ZCCHC10: variants seen among roughly 807,000 people sequenced by gnomAD.
The protein encoded by ZCCHC10 is zinc finger CCHC domain-containing protein 10.
Under a neutral mutation model 19.5 loss-of-function variants are expected in ZCCHC10, and 16 were observed. That is an observed-to-expected ratio of 0.82 (90% CI 0.56 to 1.25). ZCCHC10 has a LOEUF of 1.25. ZCCHC10 is among the 50% of genes most tolerant of loss of function. The probability of loss-of-function intolerance (pLI) is 0.00; values close to 1 mark genes in which losing one functional copy is unlikely to be tolerated. For synonymous variants in ZCCHC10, 67 were observed against 72.5 expected (o/e 0.92, Z 0.38); for missense variants, 197 against 201.0 (o/e 0.98, Z 0.12).
Position 133,010,885 on chromosome 5 carries a change from G to A in ZCCHC10, c.108-3965C>T, listed in dbSNP as rs146010832. Among the ~76,000 whole-genome samples, 674 of 151,884 alleles carry A rather than the reference G, an allele frequency of 4.4e-3. 4 individuals carry two copies. The highest frequency in any genetic ancestry group is 0.015 in the African/African-American group (631 of 41,464). On this transcript the variant is annotated intron_variant, in intron 2 of 4. Transcript: ENST00000509437. ...CAGGTCACTGCAACATCCACCTCCC[G>A]GATTCAAGCGATTCTCCTGCCTCAG...
chr5:132,999,389 T>C (rs1184182748), intron 4 of ZCCHC10, among the ~76,000 whole-genome samples: 2 of 152,218 alleles, frequency 1.3e-5, no homozygotes, highest in Non-Finnish European at 2.9e-5. Context: ...GAATTCAAGA[T>C]AAGCATATCT....
At chr5:133,003,321 A>G in intron 3 of ZCCHC10, 2 of 430,516 alleles carry the variant, frequency 4.6e-6, no homozygotes, top group South Asian at 3.6e-5. Context: ...CTACTCAGTG[A>G]ATGTGGATTA....
chr5:133,022,751 C>T (rs1484035948), intron 2 of ZCCHC10, 90 bp downstream of exon 2: 2 of 426,094 alleles, frequency 4.7e-6, no homozygotes, highest in African/African-American at 4.1e-5. Context: ...ACGCCCCGGC[C>T]TTGTTCAACA....
chr5:133,011,641 A>G (rs1763538141), intron 2 of ZCCHC10, among the ~76,000 whole-genome samples: 1 of 151,096 alleles, frequency 6.6e-6, no homozygotes, highest in East Asian at 1.9e-4. Context: ...AAAAAAAAAA[A>G]AAAAAAACCT....
At chr5:133,007,124 T>G (rs1458910804) in intron 2 of ZCCHC10, among the ~76,000 whole-genome samples, 1 of 152,174 alleles carries the variant, frequency 6.6e-6, no homozygotes, top group Non-Finnish European at 1.5e-5. Context: ...CATCTAAATC[T>G]CATCTTGAAT....
intron 3 of ZCCHC10, among the ~76,000 whole-genome samples, 182 bp downstream of exon 3, chr5:133,006,577 G>C (rs1240850957): frequency 6.6e-6 from 1 of 151,582 alleles, no homozygotes; most frequent in Admixed American, 6.6e-5. Context: ...GTAGATATCA[G>C]GTTTAAATAA....
In ZCCHC10 at chr5:133,011,894, C is replaced by T. The variant is rs571698130; in HGVS notation, c.108-4974G>A. On this transcript the variant is annotated intron_variant, in intron 2 of 4. Transcript: ENST00000509437. The stretch of plus-strand genomic sequence containing the variant: ...CTTGTAATCCCAGCGCTCTGGGAGG[C>T]CAAGGTAGGCAGATCATTTGAGGTC... Among the ~76,000 whole-genome samples, 15 of 151,946 alleles carry T rather than the reference C, an allele frequency of 9.9e-5. 1 individual carries two copies. In the South Asian group the frequency reaches 3.1e-3, roughly 32 times the overall value.
At chr5:133,009,147 C>T (rs967974944) in intron 2 of ZCCHC10, among the ~76,000 whole-genome samples, 3 of 152,010 alleles carry the variant, frequency 2.0e-5, no homozygotes, top group Admixed American at 6.6e-5. Context: ...AGACTACAGG[C>T]ATGCACTATC....
intron 2 of ZCCHC10, among the ~76,000 whole-genome samples, chr5:133,008,350 C>T (rs1763269442): frequency 6.8e-6 from 1 of 146,368 alleles, no homozygotes; most frequent in African/African-American, 2.5e-5. Context: ...CCAGCCTGGC[C>T]AACATGGTGA....
chr5:133,015,606 A>C (rs1395952592), intron 2 of ZCCHC10, among the ~76,000 whole-genome samples: 1 of 152,134 alleles, frequency 6.6e-6, no homozygotes, highest in Admixed American at 6.6e-5. Context: ...TGTGGCAAGG[A>C]ACCTTACCCT....
intron 2 of ZCCHC10, among the ~76,000 whole-genome samples, chr5:133,018,303 C>T (rs1380157332): frequency 6.6e-6 from 1 of 151,420 alleles, no homozygotes; most frequent in Non-Finnish European, 1.5e-5. Flanking sequence ...CTTCAGCAAG[C>T]TGATTTTTTT....
intron 2 of ZCCHC10, among the ~76,000 whole-genome samples, chr5:133,007,261 G>A (rs930384737): frequency 2.6e-5 from 4 of 152,012 alleles, no homozygotes; most frequent in African/African-American, 7.2e-5. Flanking sequence ...AGGAGTTTCC[G>A]GCTGGGTGTG....
chr5:133,019,149 C>G, intron 2 of ZCCHC10: 1 of 441,114 alleles, frequency 2.3e-6, no homozygotes, highest in East Asian at 7.5e-5. Flanking sequence ...TTTGAGAGGC[C>G]AAGGCAGGAT....
intron 2 of ZCCHC10, among the ~76,000 whole-genome samples, chr5:133,015,278 C>T (rs1297795763): frequency 1.3e-5 from 2 of 152,030 alleles, no homozygotes; most frequent in Admixed American, 1.3e-4. Flanking sequence ...AGGGTTTCAC[C>T]ATGTTGGCCA....
At chr5:133,008,570 A>T (rs898412993) in intron 2 of ZCCHC10, among the ~76,000 whole-genome samples, 1 of 151,544 alleles carries the variant, frequency 6.6e-6, no homozygotes, top group Non-Finnish European at 1.5e-5. Flanking sequence ...AGAATCAACA[A>T]GGGGGTCAAG....
At chr5:133,018,700 G>A (rs1371026354) in intron 2 of ZCCHC10, among the ~76,000 whole-genome samples, 7 of 152,088 alleles carry the variant, frequency 4.6e-5, no homozygotes, top group South Asian at 2.1e-4. Context: ...GAGCCACCAC[G>A]TCCAGCCTGC....
At chr5:133,019,593 T>C (rs1448342259) in intron 2 of ZCCHC10, among the ~76,000 whole-genome samples, 2 of 152,132 alleles carry the variant, frequency 1.3e-5, no homozygotes, top group African/African-American at 4.8e-5. Context: ...TGGACACCGC[T>C]GGTAAGAATG....
At chr5:132,998,917 AT>A (rs887136053) in intron 4 of ZCCHC10, 67 bp from the exon 5 acceptor site, 337 of 1,437,758 alleles carry the variant, frequency 2.3e-4, no homozygotes, top group Admixed American at 5.2e-4. Flanking sequence ...AAGCAATTTC[AT>A]TTTTTTTTTC....
At chr5:133,023,728 G>T (rs1764484187) in intron 1 of ZCCHC10, among the ~76,000 whole-genome samples, 1 of 151,070 alleles carries the variant, frequency 6.6e-6, no homozygotes, top group South Asian at 2.1e-4. Context: ...CCAAGATCAT[G>T]CCACTGCACT....
Sources: allele counts gnomAD v4.1 joint callset (sites outside exome capture counted in the v4.1 genomes callset), GRCh38; gene constraint gnomAD v4.1.1; transcripts MANE v1.5; gene names NCBI Gene and HGNC (gene_info 2026-07-23, HGNC 2026-07-21).